TANC2: variants seen among roughly 807,000 people sequenced by gnomAD.
TANC2 encodes tetratricopeptide repeat, ankyrin repeat and coiled-coil containing 2.
A neutral mutation model predicts 210.5 loss-of-function variants in TANC2; 26 were observed. The observed-to-expected ratio is 0.12, with a 90% confidence interval of 0.09 to 0.17. TANC2 has a LOEUF of 0.17. TANC2 is among the 10% of genes least tolerant of loss of function. The pLI, the probability that TANC2 is intolerant of heterozygous loss-of-function variation, is 1.00. For missense variants in TANC2, 2,129 were observed against 2,608.9 expected, an observed-to-expected ratio of 0.82 and a Z score of 4.01; for synonymous variants, 931 against 967.1, an observed-to-expected ratio of 0.96 and a Z score of 0.69.
intron 4 of TANC2, among the ~76,000 whole-genome samples, chr17:63,120,465 C>T (rs2038419118): frequency 1.3e-5 from 2 of 152,066 alleles, no homozygotes; most frequent in Admixed American, 1.3e-4. Context: ...GATCATTTAG[C>T]CCCTCAATTT....
chr17:63,421,598 T>C lies in TANC2; in HGVS notation c.5868T>C (p.Ser1956=). 6.2e-7 allele frequency: 1 copy of C among 1,614,038 alleles called. No homozygotes were observed. The highest frequency in any genetic ancestry group is 8.5e-7 in the Non-Finnish European group (1 of 1,179,878). Residue 1956 remains serine, a synonymous_variant, in exon 28 of 28, where the codon TCT becomes TCC. Coordinates refer to ENST00000689528, the Ensembl canonical transcript of TANC2. This position sits in a 1 kb window ranked among gnomAD's most constrained non-coding sequence, Gnocchi z 6.9. ...AGAATCGGACCTGGGCAGTGTCATC[T>C]GTGGACACCGTCCTCAGTCCCACGT...
intron 2 of TANC2, among the ~76,000 whole-genome samples, chr17:63,044,765 A>C (rs542243794): frequency 6.6e-6 from 1 of 151,896 alleles, no homozygotes; most frequent in Non-Finnish European, 1.5e-5. Flanking sequence ...CCTTTTTCTC[A>C]GTCTGGTAGG....
intron 2 of TANC2, among the ~76,000 whole-genome samples, chr17:63,025,561 T>C (rs1227133791): frequency 6.6e-6 from 1 of 151,986 alleles, no homozygotes; most frequent in Admixed American, 6.6e-5. Context: ...TTTGGGAGGC[T>C]GAGGTGGGCG....
At chr17:63,287,556 A>G (rs1204615539) in intron 9 of TANC2, among the ~76,000 whole-genome samples, 4 of 152,318 alleles carry the variant, frequency 2.6e-5, no homozygotes, top group East Asian at 1.9e-4. Context: ...TTTGCAGACA[A>G]TATGATCAGT....
chr17:63,317,312 G>A (rs1164748203), intron 10 of TANC2, among the ~76,000 whole-genome samples: 11 of 29,452 alleles, frequency 3.7e-4, no homozygotes, highest in African/African-American at 8.4e-4. Flanking sequence ...CCCCCAGCCC[G>A]CCCCCCTCCT....
intron 10 of TANC2, among the ~76,000 whole-genome samples, chr17:63,315,604 T>C (rs962877691): frequency 1.3e-5 from 2 of 152,228 alleles, no homozygotes; most frequent in Admixed American, 6.5e-5. Flanking sequence ...AAGAAACTAT[T>C]GCTTTGTTAG....
At chr17:63,269,696 T>G (rs17202270) in intron 9 of TANC2, among the ~76,000 whole-genome samples, 22,786 of 152,114 alleles carry the variant, frequency 0.15, 2,036 homozygotes, top group Middle Eastern at 0.21. Context: ...CTGCTTGTAG[T>G]ATCTGAAGAT....
intron 13 of TANC2, among the ~76,000 whole-genome samples, chr17:63,352,108 G>A (rs1013106854): frequency 6.6e-6 from 1 of 152,006 alleles, no homozygotes; most frequent in African/African-American, 2.4e-5. Flanking sequence ...CTGAGTTGGT[G>A]TCCCATTCTT....
intron 2 of TANC2, among the ~76,000 whole-genome samples, chr17:63,038,876 A>G (rs1046378090): frequency 6.6e-6 from 1 of 152,030 alleles, no homozygotes; most frequent in African/African-American, 2.4e-5. Flanking sequence ...AAAGTTTTAG[A>G]TTTGTCTTTT....
chr17:63,343,072 A>T (rs1299091056), intron 12 of TANC2, among the ~76,000 whole-genome samples: 2 of 151,696 alleles, frequency 1.3e-5, no homozygotes, highest in Admixed American at 6.6e-5. Context: ...AAAGAAGAAT[A>T]TTTTTTTTAG....
chr17:63,273,887 C>T (rs774492296), intron 9 of TANC2, among the ~76,000 whole-genome samples: 3 of 152,164 alleles, frequency 2.0e-5, no homozygotes, highest in East Asian at 1.9e-4. Flanking sequence ...GCTGGCAAGC[C>T]GTGTCTTAAA....
At chr17:63,060,428 C>CT (rs2035954224) in intron 2 of TANC2, among the ~76,000 whole-genome samples, 1 of 152,104 alleles carries the variant, frequency 6.6e-6, no homozygotes, top group Admixed American at 6.5e-5. Context: ...CGAGACCAAC[C>CT]TGGCCAACAT....
At chr17:63,141,581 GTATT>G (rs2039296031) in intron 4 of TANC2, among the ~76,000 whole-genome samples, 1 of 150,386 alleles carries the variant, frequency 6.6e-6, no homozygotes, top group Non-Finnish European at 1.5e-5. Context: ...AAAAAAAAAA[GTATT>G]TTTATTTGTC....
At chr17:63,297,687 C>T (rs1339025018) in intron 9 of TANC2, among the ~76,000 whole-genome samples, 1 of 152,000 alleles carries the variant, frequency 6.6e-6, no homozygotes, top group Non-Finnish European at 1.5e-5. Flanking sequence ...GCATGAGGAA[C>T]AGCAGTAACC....
intron 1 of TANC2, among the ~76,000 whole-genome samples, chr17:62,970,914 T>C (rs2031655747): frequency 6.6e-6 from 1 of 152,202 alleles, no homozygotes; most frequent in African/African-American, 2.4e-5. Context: ...CCAAATATTA[T>C]AAAATAGTTT....
chr17:63,171,769 A>G (rs566032655), intron 5 of TANC2, among the ~76,000 whole-genome samples: 90 of 152,226 alleles, frequency 5.9e-4, no homozygotes, highest in Non-Finnish European at 1.2e-3. Context: ...TGCCTACTAT[A>G]TCTACATATT....
intron 1 of TANC2, among the ~76,000 whole-genome samples, chr17:62,975,014 GACA>G (rs2031922836): frequency 6.6e-6 from 1 of 152,142 alleles, no homozygotes; most frequent in African/African-American, 2.4e-5. Flanking sequence ...TATAAAGATT[GACA>G]ACATTAAGAA....
In TANC2 at chr17:63,293,799, C is replaced by T. The variant is rs923679016; in HGVS notation, c.1160-20589C>T. Among the ~76,000 whole-genome samples, 4 of 142,640 alleles carry T rather than the reference C, an allele frequency of 2.8e-5. No individual in the cohort carries two copies. In the South Asian group the frequency reaches 7.7e-4, roughly 28 times the overall value. 93.6% of individuals were successfully genotyped at this position (142,640 alleles called of 152,430 possible). A position where few individuals can be genotyped will look rare whatever the true frequency, so the allele number is the denominator to read the frequency against. ...CCACCCACCCACCCAGAGTGCAGTA[C>T]CATAATCACAGCTCACTGCAGCCTC... On this transcript the variant is annotated intron_variant, in intron 9 of 27. Coordinates refer to ENST00000689528, the Ensembl canonical transcript of TANC2.
chr17:63,000,625 T>C (rs1332718896), intron 1 of TANC2, among the ~76,000 whole-genome samples: 2 of 152,276 alleles, frequency 1.3e-5, no homozygotes, highest in East Asian at 3.9e-4. Flanking sequence ...TTAGAAATGA[T>C]TGGGGGCCTG....
Sources: allele counts gnomAD v4.1 joint callset (sites outside exome capture counted in the v4.1 genomes callset), GRCh38; gene constraint gnomAD v4.1.1; non-coding constraint Gnocchi (gnomAD v3.1); transcripts MANE v1.5; gene names NCBI Gene and HGNC (gene_info 2026-07-23, HGNC 2026-07-21).